LAG3: variants seen among roughly 807,000 people sequenced by gnomAD.
LAG3 encodes lymphocyte activation gene 3 protein.
Under a neutral mutation model 49.0 loss-of-function variants are expected in LAG3, and 29 were observed. That is an observed-to-expected ratio of 0.59 (90% CI 0.44 to 0.81). The LOEUF is 0.81. LAG3 is among the 30% of genes least tolerant of loss of function. The pLI, the probability that LAG3 is intolerant of heterozygous loss-of-function variation, is 0.00. For missense variants in LAG3, 693 were observed against 695.2 expected (o/e 1.00, Z 0.04); for synonymous variants, 320 against 297.3 (o/e 1.08, Z -0.79).
Position 6,773,459 on chromosome 12 carries a change from C to A in LAG3, c.206+120C>A. On this transcript the variant is annotated intron_variant, in intron 2 of 7. Coordinates refer to ENST00000203629, the MANE Select transcript of LAG3 (RefSeq NM_002286.6). This position sits in a 1 kb window ranked among gnomAD's most constrained non-coding sequence, Gnocchi z 5.5. ...CCCTCTGAAGCCAGTGACCCAGTCT[C>A]CCTGCCCTCGCTTGCACCGTTCCTG... The A allele has an allele frequency of 2.3e-6, 3 of 1,287,778 alleles. No homozygotes were observed. Among genetic ancestry groups the A allele is most frequent in the Non-Finnish European group, 2.1e-6 (2 of 933,318 alleles). 79.8% of individuals were successfully genotyped at this position (1,287,778 alleles called of 1,614,324 possible).
Position 6,773,009 on chromosome 12 carries a change from G to A in LAG3, c.58+99G>A. The A allele has an allele frequency of 2.1e-6, 3 of 1,433,824 alleles. No homozygotes were observed. The highest frequency in any genetic ancestry group is 1.2e-5 in the South Asian group (1 of 85,840). The allele number at this position is 1,433,824 out of a possible 1,614,324, so 88.8% of individuals were successfully genotyped here. A position where few individuals can be genotyped will look rare whatever the true frequency, so the allele number is the denominator to read the frequency against. On this transcript the variant is annotated intron_variant, in intron 1 of 7. Coordinates refer to ENST00000203629, the MANE Select transcript of LAG3 (RefSeq NM_002286.6). The surrounding 1 kb of genome is among the most constrained non-coding windows in gnomAD (Gnocchi z 5.5). ...AAGGTCCTGAGGTCCTTAGCTCTGTGGATTCTTCTAATCCCTTTTTTGGGC... is the reference window on the plus strand; with the variant it reads ...AAGGTCCTGAGGTCCTTAGCTCTGTAGATTCTTCTAATCCCTTTTTTGGGC...
chr12:6,773,999 C>G lies in LAG3; in HGVS notation c.509C>G (p.Ser170Trp), dbSNP rs1338204917. ...CRLRLRLGQA[S>W]MTASPPGSLR... The stretch of plus-strand genomic sequence containing the variant: ...CTCCGTCTGCGCCTGGGCCAGGCCT[C>G]GAGTATGTGGGGCGGGACGATGGGA... The change falls in exon 3 of 8, where the codon TCG (serine) becomes TGG (tryptophan). Residue 170 changes from serine (S) to tryptophan (W), a missense_variant and splice_region_variant. Ser to Trp is a radical substitution (Grantham distance 177). Coordinates refer to ENST00000203629, the MANE Select transcript of LAG3 (RefSeq NM_002286.6). The surrounding 1 kb of genome is among the most constrained non-coding windows in gnomAD (Gnocchi z 5.5). 1.4e-6 allele frequency: 2 copies of G among 1,424,694 alleles called. No individual in the cohort carries two copies. Among genetic ancestry groups the G allele is most frequent in the South Asian group, 1.5e-5 (1 of 68,766 alleles). 88.3% of individuals were successfully genotyped at this position (1,424,694 alleles called of 1,614,324 possible). A position where few individuals can be genotyped will look rare whatever the true frequency, so the allele number is the denominator to read the frequency against.
Position 6,774,017 on chromosome 12 carries a change from C to A in LAG3, c.511+16C>A. On this transcript the variant is annotated intron_variant, in intron 3 of 7. Coordinates refer to ENST00000203629, the MANE Select transcript of LAG3 (RefSeq NM_002286.6). ...CAGGCCTCGAGTATGTGGGGCGGGA[C>A]GATGGGAGAAGGGCTGGGAGGTGGG... 1 of 1,400,662 alleles carries A rather than the reference C, an allele frequency of 7.1e-7. No individual in the cohort carries two copies. Among genetic ancestry groups the A allele is most frequent in the Non-Finnish European group, 9.2e-7 (1 of 1,089,418 alleles). The allele number at this position is 1,400,662 out of a possible 1,614,324, so 86.8% of individuals were successfully genotyped here.
Position 6,773,294 on chromosome 12 carries a change from G to A in LAG3, c.161G>A (p.Ser54Asn). The change falls in exon 2 of 8, where the codon AGC becomes AAC. Residue 54 changes from serine to asparagine, a missense_variant. Transcript: ENST00000203629. This position sits in a 1 kb window ranked among gnomAD's most constrained non-coding sequence, Gnocchi z 5.5. ...CSPTIPLQDL[S>N]LLRRAGVTWQ... ...CCCACAATCCCCCTCCAGGATCTCA[G>A]CCTTCTGCGAAGAGCAGGGGTCACT... The A allele has an allele frequency of 6.2e-7, 1 of 1,613,824 alleles. No individual in the cohort carries two copies. The highest frequency in any genetic ancestry group is 8.5e-7 in the Non-Finnish European group (1 of 1,179,890).
rs374956914 is a variant in LAG3, at chr12:6,775,362, C to G, written c.871C>G (p.Arg291Gly). Reference protein sequence around the residue: ...PCRLPAGVGTRSFLTAKWTPP... With the variant: ...PCRLPAGVGTGSFLTAKWTPP... Reference sequence around the variant, plus strand: ...CCGCCTGCCTGCTGGTGTGGGGACCCGGTCTTTCCTCACTGCCAAGTGGAC... The same window carrying G: ...CCGCCTGCCTGCTGGTGTGGGGACCGGGTCTTTCCTCACTGCCAAGTGGAC... Residue 291 changes from arginine to glycine, a missense_variant, in exon 5 of 8, where the codon CGG becomes GGG. Transcript: ENST00000203629. 7 of 1,614,218 alleles carry G rather than the reference C, an allele frequency of 4.3e-6. No homozygotes were observed. The South Asian group carries it at 6.6e-5, about 15-fold the overall frequency.
rs143607891 is a variant in LAG3, at chr12:6,777,839, T to G, written c.1349T>G (p.Leu450Arg). The G allele has an allele frequency of 2.2e-5, 35 of 1,613,590 alleles. No individual in the cohort carries two copies. Among genetic ancestry groups the G allele is most frequent in the Non-Finnish European group, 2.7e-5 (32 of 1,179,848 alleles). Residue 450 changes from leucine (L) to arginine (R), a missense_variant, in exon 7 of 8, where the codon CTC becomes CGC. Leu to Arg is a moderately radical substitution (Grantham distance 102, BLOSUM62 -2). Coordinates refer to ENST00000203629, the MANE Select transcript of LAG3 (RefSeq NM_002286.6). ...CCAGGTGCCCTCCCAGCAGGCCACC[T>G]CCTGCTGTTTCTCATCCTTGGTGTC... is the stretch of plus-strand genomic sequence containing the variant. Reference protein sequence around the residue: ...RAPGALPAGHLLLFLILGVLS... With the variant: ...RAPGALPAGHRLLFLILGVLS...
intron 1 of LAG3, 63 bp downstream of exon 1, chr12:6,772,973 C>A: frequency 1.3e-6 from 2 of 1,558,796 alleles, no homozygotes; most frequent in South Asian, 2.2e-5. Flanking sequence ...GCAGGGATCT[C>A]TGTGGCCACA....
intron 7 of LAG3, 25 bp downstream of exon 7, chr12:6,777,946 G>A (rs542735119): frequency 1.7e-5 from 28 of 1,610,896 alleles, no homozygotes; most frequent in Middle Eastern, 1.7e-4. Flanking sequence ...TGGCAACCCC[G>A]CCCCCCAGCA....
At position 6,774,858 on chromosome 12, in the gene LAG3, G is replaced by A. The variant is rs150246056; in HGVS notation, c.775G>A (p.Val259Ile). 9 of 1,611,320 alleles carry A rather than the reference G, an allele frequency of 5.6e-6. No homozygotes were observed. Among genetic ancestry groups the A allele is most frequent in the Non-Finnish European group, 7.6e-6 (9 of 1,177,870 alleles). The change falls in exon 4 of 8, where the codon GTT (valine) becomes ATT (isoleucine). Residue 259 changes from valine (V) to isoleucine (I), a missense_variant. Physicochemically the swap from Val to Ile is conservative, Grantham distance 29. Coordinates refer to ENST00000203629, the MANE Select transcript of LAG3 (RefSeq NM_002286.6). The part of the protein sequence containing the change: ...FNVSIMYNLT[V>I]LGLEPPTPLT... ...CGTCTCCATCATGTATAACCTCACT[G>A]TTCTGGGTAACTCCCCCACTCTGCT...
chr12:6,777,191 C>A, intron 5 of LAG3, 73 bp from the exon 6 acceptor site: 1 of 1,579,380 alleles, frequency 6.3e-7, no homozygotes, highest in Non-Finnish European at 8.7e-7. Flanking sequence ...GTGATTGAGA[C>A]TTGGGGTTCA....
Position 6,773,832 on chromosome 12 carries a change from GC to G in LAG3, c.346del (p.Leu116CysfsTer56). On this transcript the variant is annotated frameshift_variant, in exon 3 of 8. Coordinates refer to ENST00000203629, the MANE Select transcript of LAG3 (RefSeq NM_002286.6). LOFTEE classifies it high-confidence loss of function. This position sits in a 1 kb window ranked among gnomAD's most constrained non-coding sequence, Gnocchi z 5.5. ...CCGGAGGCCTGCGCAGCGGGAGGCT[GC>G]CCCTGCAGCCCCGCGTCCAGCTGGA... ...GPGGLRSGRL[P>X]LQPRVQLDER... is the part of the protein sequence containing the mutation. The G allele has an allele frequency of 1.4e-6, 2 of 1,405,982 alleles. No homozygotes were observed. The highest frequency in any genetic ancestry group is 1.5e-5 in the South Asian group (1 of 66,854). 87.1% of individuals were successfully genotyped at this position (1,405,982 alleles called of 1,614,324 possible).
intron 4 of LAG3, 115 bp downstream of exon 4, chr12:6,774,979 T>C (rs1473838736): frequency 4.7e-6 from 5 of 1,058,152 alleles, no homozygotes; most frequent in Non-Finnish European, 7.0e-6. Flanking sequence ...CCTACGTCAT[T>C]GCTGTGGGTC....
rs769614441 is a variant in LAG3, at chr12:6,777,291, G to C, written c.1085G>C (p.Gly362Ala). 1.9e-6 allele frequency: 3 copies of C among 1,614,156 alleles called. No individual in the cohort carries two copies. The highest frequency in any genetic ancestry group is 1.1e-5 in the South Asian group (1 of 91,074). ...TVTPKSFGSP[G>A]SLGKLLCEVT... ...ACTCCCAAATCCTTTGGGTCACCTG[G>C]ATCCCTGGGGAAGCTGCTTTGTGAG... is the stretch of plus-strand genomic sequence containing the variant. Residue 362 changes from glycine (G) to alanine (A), a missense_variant, in exon 6 of 8, where the codon GGA becomes GCA. By Grantham distance (60) the Gly-to-Ala change is moderately conservative. Transcript: ENST00000203629.
chr12:6,772,795 C>T lies in LAG3; in HGVS notation c.-58C>T. 6.9e-7 allele frequency: 1 copy of T among 1,449,978 alleles called. No homozygotes were observed. The highest frequency in any genetic ancestry group is 2.3e-5 in the East Asian group (1 of 42,838). 89.8% of individuals were successfully genotyped at this position (1,449,978 alleles called of 1,614,324 possible). A position where few individuals can be genotyped will look rare whatever the true frequency, so the allele number is the denominator to read the frequency against. ...TTACCCCCCACCCCCCACCACTGCCCCCTTTCCTTTTCTGACCTCCTTTTG... is the reference window on the plus strand; with the variant it reads ...TTACCCCCCACCCCCCACCACTGCCTCCTTTCCTTTTCTGACCTCCTTTTG... On this transcript the variant is annotated 5_prime_UTR_variant, in exon 1 of 8. Coordinates refer to ENST00000203629, the MANE Select transcript of LAG3 (RefSeq NM_002286.6).
In LAG3 at chr12:6,777,833, G is replaced by A. The variant is rs753892980; in HGVS notation, c.1343G>A (p.Gly448Asp). 1 of 1,613,744 alleles carries A rather than the reference G, an allele frequency of 6.2e-7. No individual in the cohort carries two copies. The highest frequency in any genetic ancestry group is 8.5e-7 in the Non-Finnish European group (1 of 1,179,932). The change falls in exon 7 of 8, where the codon GGC becomes GAC. Residue 448 changes from glycine to aspartate, a missense_variant. Physicochemically the swap from Gly to Asp is moderately conservative, Grantham distance 94. Transcript: ENST00000203629. ...SGRAPGALPA[G>D]HLLLFLILGV... ...AGAGCCCCAGGTGCCCTCCCAGCAGGCCACCTCCTGCTGTTTCTCATCCTT... is the reference window on the plus strand; with the variant it reads ...AGAGCCCCAGGTGCCCTCCCAGCAGACCACCTCCTGCTGTTTCTCATCCTT...
At position 6,777,521 on chromosome 12, in the gene LAG3, A is replaced by G; in HGVS notation, c.1300+15A>G. 6.2e-7 allele frequency: 1 copy of G among 1,611,030 alleles called. No homozygotes were observed. The highest frequency in any genetic ancestry group is 8.5e-7 in the Non-Finnish European group (1 of 1,178,512). On this transcript the variant is annotated intron_variant, in intron 6 of 7. Coordinates refer to ENST00000203629, the MANE Select transcript of LAG3 (RefSeq NM_002286.6). ...GTCTAGCCCAGGTCCGAGGCCCCAG[A>G]ATGCCAGGACCCAAACGCCACAGCA... is the stretch of plus-strand genomic sequence containing the variant.
Position 6,773,715 on chromosome 12 carries a change from C to A in LAG3, c.225C>A (p.Ala75=). 1.5e-6 allele frequency: 2 copies of A among 1,351,976 alleles called. No individual in the cohort carries two copies. Among genetic ancestry groups the A allele is most frequent in the East Asian group, 2.9e-5 (1 of 34,110 alleles). The allele number at this position is 1,351,976 out of a possible 1,614,324, so 83.7% of individuals were successfully genotyped here. Residue 75 remains alanine (A), a synonymous_variant, in exon 3 of 8, where the codon GCC becomes GCA. Transcript: ENST00000203629. This position sits in a 1 kb window ranked among gnomAD's most constrained non-coding sequence, Gnocchi z 5.5. ...CGCCCAGTGGCCCGCCCGCTGCCGCCCCCGGCCATCCCCTGGCCCCCGGCC... is the reference window on the plus strand; with the variant it reads ...CGCCCAGTGGCCCGCCCGCTGCCGCACCCGGCCATCCCCTGGCCCCCGGCC... The part of the protein sequence containing the change: ...HQPDSGPPAA[A]PGHPLAPGPH...
chr12:6,777,915 A>G lies in LAG3; in HGVS notation c.1425A>G (p.Arg475=). The G allele has an allele frequency of 1.2e-6, 2 of 1,613,304 alleles. No individual in the cohort carries two copies. The highest frequency in any genetic ancestry group is 2.2e-5 in the South Asian group (2 of 91,068). ...VTGAFGFHLW[R]RQWRPRRFSA... The stretch of plus-strand genomic sequence containing the variant: ...GAGCCTTTGGCTTTCACCTTTGGAG[A>G]AGACAGGTGAGCCAGGGACATGGCA... Residue 475 remains arginine, a synonymous_variant, in exon 7 of 8, where the codon AGA becomes AGG. Coordinates refer to ENST00000203629, the MANE Select transcript of LAG3 (RefSeq NM_002286.6).
In LAG3 at chr12:6,777,502, C is replaced by T; in HGVS notation, c.1296C>T (p.Ser432=). The T allele has an allele frequency of 6.2e-7, 1 of 1,613,070 alleles. No homozygotes were observed. The stretch of plus-strand genomic sequence containing the variant: ...CAGTGTACTTCACAGAGCTGTCTAG[C>T]CCAGGTCCGAGGCCCCAGAATGCCA... The part of the protein sequence containing the change: ...GAAVYFTELS[S]PGAQRSGRAP... The change falls in exon 6 of 8, where the codon AGC becomes AGT. Residue 432 remains serine, a synonymous_variant. Coordinates refer to ENST00000203629, the MANE Select transcript of LAG3 (RefSeq NM_002286.6).
Sources: gnomAD v4.1 joint callset for allele counts on GRCh38, gnomAD v4.1.1 for gene constraint, Gnocchi (gnomAD v3.1) non-coding constraint, MANE v1.5 for transcripts, NCBI Gene and HGNC (gene_info 2026-07-23, HGNC 2026-07-21) for gene names.